PRKCA: variants seen among roughly 807,000 people sequenced by gnomAD.
PRKCA encodes protein kinase C alpha.
PRKCA carries 27 observed loss-of-function variants against 87.0 expected under a neutral mutation model. The observed-to-expected ratio is 0.31, with a 90% CI of 0.23 to 0.43. PRKCA has a LOEUF of 0.43. Among genes scored for constraint, PRKCA ranks in the 20% least tolerant of loss-of-function variants. The pLI is 1.00. For synonymous variants in PRKCA, 329 were observed against 311.1 expected, an observed-to-expected ratio of 1.06 and a Z score of -0.61; for missense variants, 518 against 852.3, an observed-to-expected ratio of 0.61 and a Z score of 4.88.
At chr17:66,341,716 C>T (rs1397409832) in intron 2 of PRKCA, among the ~76,000 whole-genome samples, 3 of 152,182 alleles carry the variant, frequency 2.0e-5, no homozygotes, top group East Asian at 1.9e-4. Flanking sequence ...CAGCACAGTG[C>T]GATAGCAGCT....
intron 3 of PRKCA, among the ~76,000 whole-genome samples, chr17:66,507,890 G>T (rs1917047215): frequency 1.3e-5 from 2 of 152,186 alleles, no homozygotes; most frequent in Admixed American, 6.5e-5. Flanking sequence ...TGTTTTTGCT[G>T]CTTAATACAT....
At chr17:66,369,047 T>C (rs547073371) in intron 2 of PRKCA, among the ~76,000 whole-genome samples, 59 of 152,332 alleles carry the variant, frequency 3.9e-4, no homozygotes, top group African/African-American at 1.4e-3. Context: ...TGTCACCTTC[T>C]TCCCAAGTGG....
chr17:66,428,786 G>A (rs540137553), intron 2 of PRKCA, among the ~76,000 whole-genome samples: 1 of 152,240 alleles, frequency 6.6e-6, no homozygotes, highest in South Asian at 2.1e-4. Context: ...TTATAGGTGT[G>A]AGCCACCGCG....
chr17:66,332,140 A>G (rs1241591249), intron 2 of PRKCA, among the ~76,000 whole-genome samples: 1 of 151,800 alleles, frequency 6.6e-6, no homozygotes, highest in African/African-American at 2.4e-5. Context: ...GGAATAGACC[A>G]TGGGAATTCT....
At chr17:66,541,342 G>A (rs527688310) in intron 3 of PRKCA, among the ~76,000 whole-genome samples, 38 of 152,166 alleles carry the variant, frequency 2.5e-4, no homozygotes, top group Non-Finnish European at 3.7e-4. Context: ...TGGTGTTCTT[G>A]AAAGAAATGA....
chr17:66,458,862 G>A (rs1175163457), intron 2 of PRKCA, among the ~76,000 whole-genome samples: 1 of 152,152 alleles, frequency 6.6e-6, no homozygotes, highest in Non-Finnish European at 1.5e-5. Flanking sequence ...CGTCATTGGA[G>A]AAAGCAAAGG....
chr17:66,525,767 G>A (rs1161113973), intron 3 of PRKCA, among the ~76,000 whole-genome samples: 1 of 152,122 alleles, frequency 6.6e-6, no homozygotes, highest in Non-Finnish European at 1.5e-5. Context: ...GACCAAAGTG[G>A]AAAATAAACT....
chr17:66,485,914 G>T (rs1027263257), intron 2 of PRKCA, among the ~76,000 whole-genome samples: 1 of 152,158 alleles, frequency 6.6e-6, no homozygotes, highest in Non-Finnish European at 1.5e-5. Flanking sequence ...TTTGGTATTA[G>T]AGTCATGATA....
intron 16 of PRKCA, among the ~76,000 whole-genome samples, chr17:66,793,373 T>C (rs1160126345): frequency 6.6e-6 from 1 of 152,010 alleles, no homozygotes; most frequent in African/African-American, 2.4e-5. Flanking sequence ...GTGGATCTCC[T>C]GAGGTCAGGA....
intron 3 of PRKCA, among the ~76,000 whole-genome samples, chr17:66,503,182 C>T (rs1035246093): frequency 3.9e-5 from 6 of 152,140 alleles, no homozygotes; most frequent in Admixed American, 6.5e-5. Flanking sequence ...AAGCTTTCCT[C>T]GCGTTTTTGT....
intron 3 of PRKCA, among the ~76,000 whole-genome samples, chr17:66,562,083 A>G (rs906250187): frequency 4.4e-5 from 5 of 114,940 alleles, no homozygotes; most frequent in African/African-American, 1.6e-4. Flanking sequence ...AATTATATAT[A>G]TAATTAAATA....
chr17:66,783,460 C>T (rs1456523220), intron 14 of PRKCA, among the ~76,000 whole-genome samples: 7 of 152,142 alleles, frequency 4.6e-5, no homozygotes, highest in Non-Finnish European at 1.0e-4. Flanking sequence ...GAAGACTTGA[C>T]AGTAAAAGTC....
intron 3 of PRKCA, among the ~76,000 whole-genome samples, chr17:66,586,995 GA>G (rs1969616229): frequency 1.3e-5 from 2 of 152,126 alleles, no homozygotes; most frequent in Non-Finnish European, 2.9e-5. Flanking sequence ...TTGCTCCTAC[GA>G]TGCCATTATG....
intron 2 of PRKCA, among the ~76,000 whole-genome samples, chr17:66,437,874 A>G (rs1000339054): frequency 6.6e-6 from 1 of 151,998 alleles, no homozygotes; most frequent in Non-Finnish European, 1.5e-5. Flanking sequence ...CATCCTTTCT[A>G]AGAACTCACT....
At chr17:66,696,699 G>T (rs944451489) in intron 8 of PRKCA, among the ~76,000 whole-genome samples, 1 of 152,208 alleles carries the variant, frequency 6.6e-6, no homozygotes, top group Non-Finnish European at 1.5e-5. Flanking sequence ...TTATTTCTGA[G>T]AACAGACCAG....
chr17:66,550,265 T>C (rs1420385133), intron 3 of PRKCA, among the ~76,000 whole-genome samples: 1 of 152,204 alleles, frequency 6.6e-6, no homozygotes, highest in Non-Finnish European at 1.5e-5. Flanking sequence ...CTTTGAGGTC[T>C]TCCTGGGTGT....
chr17:66,564,003 C>CTTCCT lies in PRKCA; in HGVS notation c.288+67721_288+67722insTCCTT, dbSNP rs762381346. 3.7e-3 allele frequency among the ~76,000 whole-genome samples: 367 copies of CTTCCT among 100,286 alleles called. 5 individuals carry two copies. The highest frequency in any genetic ancestry group is 7.9e-3 in the East Asian group (27 of 3,404). 65.8% of individuals were successfully genotyped at this position (100,286 alleles called of 152,430 possible). ...CCTTCCTTCCTTCCTTCCTTCCTTC[C>CTTCCT]TCCTTTCTTTCTCTCTCTCTTTCTT... On this transcript the variant is annotated intron_variant, in intron 3 of 16. Coordinates refer to ENST00000413366, the MANE Select transcript of PRKCA (RefSeq NM_002737.3).
Position 66,527,411 on chromosome 17 carries a change from A to T in PRKCA, c.288+31128A>T, listed in dbSNP as rs1472081414. Among the ~76,000 whole-genome samples the T allele has an allele frequency of 3.3e-5, 5 of 152,250 alleles. No homozygotes were observed. In the East Asian group the frequency reaches 7.7e-4, roughly 23 times the overall value. On this transcript the variant is annotated intron_variant, in intron 3 of 16. Transcript: ENST00000413366. The stretch of plus-strand genomic sequence containing the variant: ...CGACAAATTGCAGATTAGAGGACAT[A>T]CAAATGAGGGAGCCAGTTGCTACTT...
At chr17:66,564,224 G>T (rs558309327) in intron 3 of PRKCA, among the ~76,000 whole-genome samples, 5 of 151,984 alleles carry the variant, frequency 3.3e-5, no homozygotes, top group Admixed American at 2.6e-4. Context: ...AATTACATTT[G>T]CCCACCACTA....
Sources: gnomAD v4.1 joint callset for allele counts (sites outside exome capture counted in the v4.1 genomes callset) on GRCh38, gnomAD v4.1.1 for gene constraint, MANE v1.5 for transcripts, NCBI Gene and HGNC (gene_info 2026-07-23, HGNC 2026-07-21) for gene names.